IFT172: variants seen among roughly 807,000 people sequenced by gnomAD.
The protein encoded by IFT172 is intraflagellar transport 172.
A neutral mutation model predicts 248.9 loss-of-function variants in IFT172; 164 were observed. The observed-to-expected ratio is 0.66, with a 90% CI of 0.58 to 0.75. IFT172 has a LOEUF of 0.75. Among genes scored for constraint, IFT172 ranks in the 30% least tolerant of loss-of-function variants. The probability of loss-of-function intolerance (pLI) is 0.00; values close to 1 mark genes in which losing one functional copy is unlikely to be tolerated. For missense variants in IFT172, 1,950 were observed against 2,192.4 expected, an observed-to-expected ratio of 0.89 and a Z score of 2.21; for synonymous variants, 729 against 791.6, an observed-to-expected ratio of 0.92 and a Z score of 1.33.
chr2:27,457,810 A>G, intron 28 of IFT172, 31 bp downstream of exon 28: 1 of 1,611,792 alleles, frequency 6.2e-7, no homozygotes. Flanking sequence ...TGGTTGGGGA[A>G]GAGATAGGGA....
chr2:27,448,939 C>A lies in IFT172; in HGVS notation c.4404G>T (p.Gln1468His). Residue 1468 changes from glutamine to histidine, a missense_variant, in exon 40 of 48, where the codon CAG becomes CAT. Coordinates refer to ENST00000260570, the MANE Select transcript of IFT172 (RefSeq NM_015662.3). ...CCTGTGGGTTAGCAGGGGCTCCGTG[C>A]TGTACATACAGGGCCAATGCCTGGG... Reference protein sequence around the residue: ...SSAQALALYVQHGAPANPQNF... With the variant: ...SSAQALALYVHHGAPANPQNF... 1.3e-6 allele frequency: 2 copies of A among 1,594,924 alleles called. No individual in the cohort carries two copies. The highest frequency in any genetic ancestry group is 1.7e-6 in the Non-Finnish European group (2 of 1,162,448).
chr2:27,453,619 TG>T lies in IFT172; in HGVS notation c.3821+10del. The T allele has an allele frequency of 6.2e-7, 1 of 1,610,040 alleles. No individual in the cohort carries two copies. The highest frequency in any genetic ancestry group is 8.5e-7 in the Non-Finnish European group (1 of 1,177,286). ...GCCCTGCCAATGCTGCCTGGACCTC[TG>T]GCCTCATACCTGGCCCCCTTCTTAG... On this transcript the variant is annotated intron_variant, in intron 34 of 47. Transcript: ENST00000260570.
Position 27,462,685 on chromosome 2 carries a change from C to T in IFT172, c.2115+16G>A, listed in dbSNP as rs1666772532. On this transcript the variant is annotated intron_variant, in intron 20 of 47. Coordinates refer to ENST00000260570, the MANE Select transcript of IFT172 (RefSeq NM_015662.3). ...CTCATATCCCCTCTTCCATCCTGTC[C>T]CTCTTTTCCTATTACCTGTTCCAAA... The T allele has an allele frequency of 1.9e-6, 3 of 1,605,256 alleles. No homozygotes were observed. In the South Asian group the frequency reaches 3.3e-5, roughly 18 times the overall value.
At chr2:27,453,806 A>G (rs1665922209) in intron 33 of IFT172, 67 bp from the exon 34 acceptor site, 2 of 1,463,210 alleles carry the variant, frequency 1.4e-6, no homozygotes, top group East Asian at 4.5e-5. Flanking sequence ...CCACACAGGT[A>G]CTCTGGCCCA....
At chr2:27,446,595 C>A in intron 42 of IFT172, 1 of 374,894 alleles carries the variant, frequency 2.7e-6, no homozygotes, top group Non-Finnish European at 4.9e-6. Flanking sequence ...CTCACTGCAA[C>A]CTCTGCCTCC....
intron 43 of IFT172, 120 bp downstream of exon 43, chr2:27,446,140 C>A (rs1286517022): frequency 7.7e-7 from 1 of 1,290,926 alleles, no homozygotes. Context: ...CATAGGAGGA[C>A]TACATCCTCC....
chr2:27,452,458 G>T (rs186181487), intron 35 of IFT172, among the ~76,000 whole-genome samples: 168 of 152,244 alleles, frequency 1.1e-3, no homozygotes, highest in Non-Finnish European at 1.7e-3. Flanking sequence ...TTATATACAT[G>T]TACACACATA....
In IFT172 at chr2:27,458,809, G is replaced by T. The variant is rs1247750361; in HGVS notation, c.2847C>A (p.Thr949=). The T allele has an allele frequency of 6.2e-7, 1 of 1,614,116 alleles. No homozygotes were observed. Among genetic ancestry groups the T allele is most frequent in the Admixed American group, 1.7e-5 (1 of 60,018 alleles). Residue 949 remains threonine (T), a synonymous_variant, in exon 26 of 48, where the codon ACC becomes ACA. Coordinates refer to ENST00000260570, the MANE Select transcript of IFT172 (RefSeq NM_015662.3). ...GGGCTTGTTCCCAACGACCAGCCTG[G>T]GTGTACATGTCTATGGCATCTTTTG... ...DRTKDAIDMY[T]QAGRWEQAHK...
chr2:27,483,364 T>C lies in IFT172; in HGVS notation c.495A>G (p.Lys165=), dbSNP rs1202101296. The change falls in exon 7 of 48, where the codon AAA becomes AAG. Residue 165 remains lysine, a synonymous_variant. Transcript: ENST00000260570. ...CATCTGCATGACCAGAGAGAATTCC[T>C]TTCCCAGAGCAACTAAAAAAGGAGA... The part of the protein sequence containing the change: ...VVSLTTNCSG[K]GILSGHADGT... The C allele has an allele frequency of 1.2e-6, 2 of 1,604,356 alleles. No individual in the cohort carries two copies. The highest frequency in any genetic ancestry group is 8.5e-7 in the Non-Finnish European group (1 of 1,171,198).
chr2:27,476,493 T>A (rs1667961391), intron 14 of IFT172, 148 bp downstream of exon 14: 2 of 559,028 alleles, frequency 3.6e-6, no homozygotes, highest in Non-Finnish European at 6.5e-6. Flanking sequence ...GACTTAAACA[T>A]TTCATATATA....
Position 27,481,241 on chromosome 2 carries a change from G to A in IFT172, c.590C>T (p.Pro197Leu), listed in dbSNP as rs368373262. The change falls in exon 8 of 48, where the codon CCG (proline) becomes CTG (leucine). Residue 197 changes from proline to leucine, a missense_variant. Physicochemically the swap from Pro to Leu is moderately conservative, Grantham distance 98. Coordinates refer to ENST00000260570, the MANE Select transcript of IFT172 (RefSeq NM_015662.3). ...CCATGCCAAGGCATAGGGTGGACAC[G>A]GGTGGTTAACCAACTTCCCCTAAGA... ...GESQGKLVNH[P>L]CPPYALAWAT... The A allele has an allele frequency of 2.1e-5, 34 of 1,611,648 alleles. No homozygotes were observed. The African/African-American group carries it at 3.3e-4, about 16-fold the overall frequency.
chr2:27,482,317 T>A (rs1668444351), intron 7 of IFT172, among the ~76,000 whole-genome samples: 1 of 148,136 alleles, frequency 6.8e-6, no homozygotes, highest in Non-Finnish European at 1.5e-5. Flanking sequence ...TGAGATGGCA[T>A]TTCACTCTTG....
rs2148549896 is a variant in IFT172 at position 27,481,032 on chromosome 2, G to A, written c.785+14C>T. The A allele has an allele frequency of 1.2e-6, 2 of 1,605,732 alleles. No homozygotes were observed. The highest frequency in any genetic ancestry group is 1.7e-6 in the Non-Finnish European group (2 of 1,172,802). ...GGAAAGTAGGCAGTAGATAAAACTG[G>A]AAAGGGGACTTACCTGTCATAACTT... is the stretch of plus-strand genomic sequence containing the variant. On this transcript the variant is annotated intron_variant, in intron 8 of 47. Transcript: ENST00000260570.
chr2:27,476,845 A>T, intron 13 of IFT172, 119 bp from the exon 14 acceptor site: 2 of 659,658 alleles, frequency 3.0e-6, no homozygotes, highest in Non-Finnish European at 5.3e-6. Flanking sequence ...ATTTTGAGAC[A>T]GGGTCTCACT....
Position 27,453,968 on chromosome 2 carries a change from A to G in IFT172, c.3711+14T>C, listed in dbSNP as rs1665940232. 1 of 1,605,774 alleles carries G rather than the reference A, an allele frequency of 6.2e-7. No homozygotes were observed. The highest frequency in any genetic ancestry group is 1.4e-5 in the African/African-American group (1 of 74,072). On this transcript the variant is annotated intron_variant, in intron 33 of 47. Coordinates refer to ENST00000260570, the MANE Select transcript of IFT172 (RefSeq NM_015662.3). Reference sequence around the variant, plus strand: ...TCTCCCCCTCCCCTCATGGCCCTGCATCCAGTGCCCCACCTTATAATAATT... The same window carrying G: ...TCTCCCCCTCCCCTCATGGCCCTGCGTCCAGTGCCCCACCTTATAATAATT...
Position 27,459,497 on chromosome 2 carries a change from C to T in IFT172, c.2668G>A (p.Ala890Thr), listed in dbSNP as rs202216329. 9.7e-5 allele frequency: 157 copies of T among 1,614,092 alleles called. 1 individual carries two copies. The East Asian group carries it at 1.2e-3, about 12-fold the overall frequency. ...TTCTTCCACTGGCGGGCACCCAGGG[C>T]GGCCTCAATTGCCTTAATGGAGCAC... Reference protein sequence around the residue: ...ARCSIKAIEAALGARQWKKAI... With the variant: ...ARCSIKAIEATLGARQWKKAI... Residue 890 changes from alanine (A) to threonine (T), a missense_variant, in exon 25 of 48, where the codon GCC becomes ACC. Ala to Thr is a moderately conservative substitution (Grantham distance 58). Around this residue, in one of 3 missense-constraint regions of IFT172, gnomAD observed 1,166 missense variants for 1,254.1 expected, o/e 0.93. Transcript: ENST00000260570.
chr2:27,466,957 G>C (rs1005480606), intron 16 of IFT172, among the ~76,000 whole-genome samples: 5 of 151,808 alleles, frequency 3.3e-5, no homozygotes, highest in African/African-American at 1.2e-4. Flanking sequence ...TGCTCATGCA[G>C]TGAGCCATGA....
In IFT172 at chr2:27,448,978, C is replaced by T; in HGVS notation, c.4365G>A (p.Arg1455=). The change falls in exon 40 of 48, where the codon CGG becomes CGA. Residue 1455 remains arginine (R), a synonymous_variant. Transcript: ENST00000260570. ...CCAATGCCTGGGCAGAGCTACCCTC[C>T]CGGATCAAGTGAGTTGCATACAAAG... is the stretch of plus-strand genomic sequence containing the variant. ...YVALYATHLI[R]EGSSAQALAL... The T allele has an allele frequency of 6.2e-7, 1 of 1,612,798 alleles. No individual in the cohort carries two copies. The highest frequency in any genetic ancestry group is 8.5e-7 in the Non-Finnish European group (1 of 1,178,806).
At chr2:27,457,388 G>A (rs1666243605) in intron 29 of IFT172, among the ~76,000 whole-genome samples, 1 of 152,108 alleles carries the variant, frequency 6.6e-6, no homozygotes, top group South Asian at 2.1e-4. Flanking sequence ...TGGGCAACAT[G>A]GTGAAAACTT....
Sources: gnomAD v4.1 joint callset for allele counts (sites outside exome capture counted in the v4.1 genomes callset) on GRCh38, gnomAD v4.1.1 for gene constraint, gnomAD v4.1.1 regional missense constraint, MANE v1.5 for transcripts, NCBI Gene and HGNC (gene_info 2026-07-23, HGNC 2026-07-21) for gene names.